The following TBCEL variants were observed in gnomAD, a reference collection of about 807,000 sequenced individuals.
The protein encoded by TBCEL is tubulin-specific chaperone cofactor E-like protein.
Under a neutral mutation model 44.2 loss-of-function variants are expected in TBCEL, and 15 were observed. That is an observed-to-expected ratio of 0.34 (90% CI 0.23 to 0.52). The LOEUF (loss-of-function observed/expected upper bound fraction) is 0.52, where lower values mean the gene tolerates loss of function less well. Among genes scored for constraint, TBCEL ranks in the 20% least tolerant of loss-of-function variants. The pLI, the probability that TBCEL is intolerant of heterozygous loss-of-function variation, is 0.95. For synonymous variants in TBCEL, 171 were observed against 185.4 expected (o/e 0.92, Z 0.63); for missense variants, 319 against 506.3 (o/e 0.63, Z 3.55).
intron 8 of TBCEL, among the ~76,000 whole-genome samples, chr11:121,082,157 C>T (rs1227424634): frequency 6.6e-6 from 1 of 152,200 alleles, no homozygotes; most frequent in Non-Finnish European, 1.5e-5. Flanking sequence ...TAAAGCAATG[C>T]CTACTTAGTA....
In TBCEL at chr11:121,065,121, C is replaced by T. The variant is rs12417741; in HGVS notation, c.956+5036C>T. 3.9e-5 allele frequency among the ~76,000 whole-genome samples: 6 copies of T among 152,118 alleles called. No individual in the cohort carries two copies. In the East Asian group the frequency reaches 7.7e-4, roughly 20 times the overall value. ...GATTATAGGTGTGAGCCATTGCACCCGGCCCATACTTATTTTCTGTACGTT... is the reference window on the plus strand; with the variant it reads ...GATTATAGGTGTGAGCCATTGCACCTGGCCCATACTTATTTTCTGTACGTT... On this transcript the variant is annotated intron_variant, in intron 8 of 8. Coordinates refer to ENST00000683345, the MANE Select transcript of TBCEL (RefSeq NM_001363644.2).
chr11:121,038,120 C>T (rs939199523), intron 2 of TBCEL, among the ~76,000 whole-genome samples: 18 of 151,918 alleles, frequency 1.2e-4, no homozygotes, highest in East Asian at 5.8e-4. Context: ...CCACCATACC[C>T]GGCTAATTTT....
intron 8 of TBCEL, among the ~76,000 whole-genome samples, chr11:121,073,039 T>C (rs976283763): frequency 3.9e-5 from 6 of 152,132 alleles, no homozygotes; most frequent in African/African-American, 1.4e-4. Context: ...ATTACAACAT[T>C]GGTAAATTAC....
At chr11:121,025,764 A>G (rs887063485) in intron 1 of TBCEL, among the ~76,000 whole-genome samples, 1 of 150,960 alleles carries the variant, frequency 6.6e-6, no homozygotes, top group African/African-American at 2.4e-5. Flanking sequence ...GGAGGAGGGC[A>G]GCTAGGTGCA....
At chr11:121,077,590 TC>T (rs1308359755) in intron 8 of TBCEL, among the ~76,000 whole-genome samples, 1 of 152,082 alleles carries the variant, frequency 6.6e-6, no homozygotes, top group Non-Finnish European at 1.5e-5. Flanking sequence ...TTATGAGTTT[TC>T]TCTGTTTTAT....
In TBCEL at chr11:121,088,778, A is replaced by C. The variant is rs1396387393; in HGVS notation, c.*1682A>C. 1.3e-5 allele frequency: 2 copies of C among 152,148 alleles called. No homozygotes were observed. Among genetic ancestry groups the C allele is most frequent in the Non-Finnish European group, 2.9e-5 (2 of 68,032 alleles). 9.4% of individuals were successfully genotyped at this position (152,148 alleles called of 1,614,324 possible). Reference sequence around the variant, plus strand: ...GATGTTTATTCTCTTAATGCACTTCAGGTTTGCTATCTGTAAAGCCTTTGA... The same window carrying C: ...GATGTTTATTCTCTTAATGCACTTCCGGTTTGCTATCTGTAAAGCCTTTGA... On this transcript the variant is annotated 3_prime_UTR_variant, in exon 9 of 9. Transcript: ENST00000683345.
At chr11:121,082,209 C>T (rs1946138456) in intron 8 of TBCEL, among the ~76,000 whole-genome samples, 1 of 152,230 alleles carries the variant, frequency 6.6e-6, no homozygotes, top group African/African-American at 2.4e-5. Flanking sequence ...CACAGTGTGA[C>T]TCAGCTGGGT....
At chr11:121,047,460 G>C in intron 3 of TBCEL, 68 bp from the exon 4 acceptor site, 3 of 1,573,948 alleles carry the variant, frequency 1.9e-6, no homozygotes, top group Non-Finnish European at 2.6e-6. Flanking sequence ...GACACTTCCT[G>C]GGGGCTGAAC....
intron 1 of TBCEL, among the ~76,000 whole-genome samples, chr11:121,034,637 A>G (rs1331012837): frequency 1.3e-5 from 2 of 152,230 alleles, no homozygotes; most frequent in Non-Finnish European, 2.9e-5. Context: ...TATATGCTAG[A>G]TACAAACAAG....
intron 2 of TBCEL, among the ~76,000 whole-genome samples, chr11:121,037,887 C>T (rs1270731977): frequency 1.3e-5 from 2 of 151,936 alleles, no homozygotes; most frequent in Middle Eastern, 3.2e-3. Flanking sequence ...AAAAGGGAAA[C>T]TACATGGTGG....
rs1293758803 is a variant in TBCEL, at chr11:121,087,920, A to G, written c.*824A>G. 2 of 152,236 alleles carry G rather than the reference A, an allele frequency of 1.3e-5. No homozygotes were observed. The highest frequency in any genetic ancestry group is 2.4e-5 in the African/African-American group (1 of 41,468). 9.4% of individuals were successfully genotyped at this position (152,236 alleles called of 1,614,324 possible). On this transcript the variant is annotated 3_prime_UTR_variant, in exon 9 of 9. Transcript: ENST00000683345. ...TTACTTTCATAACATGAAATATGTC[A>G]GATTCCAGAGTTCTTTTATTTTTGC... is the stretch of plus-strand genomic sequence containing the variant.
At chr11:121,079,190 G>A (rs181891291) in intron 8 of TBCEL, among the ~76,000 whole-genome samples, 2 of 152,136 alleles carry the variant, frequency 1.3e-5, no homozygotes, top group East Asian at 1.9e-4. Context: ...GCAGATATTT[G>A]GGGAAGACAA....
intron 2 of TBCEL, among the ~76,000 whole-genome samples, chr11:121,038,546 TAGA>T (rs771646389): frequency 5.3e-5 from 8 of 151,828 alleles, no homozygotes; most frequent in East Asian, 1.9e-4. Context: ...GAGATGAGGT[TAGA>T]AGAAGAGTTC....
intron 8 of TBCEL, among the ~76,000 whole-genome samples, chr11:121,080,733 AC>A (rs1283523077): frequency 6.6e-6 from 1 of 152,220 alleles, no homozygotes; most frequent in African/African-American, 2.4e-5. Context: ...CAAATAGTGT[AC>A]CACATCTTCC....
chr11:121,068,393 TTC>T (rs1945861474), intron 8 of TBCEL, among the ~76,000 whole-genome samples: 1 of 152,070 alleles, frequency 6.6e-6, no homozygotes, highest in Non-Finnish European at 1.5e-5. Context: ...TGTTTTTTTT[TTC>T]TTTCAGTTCT....
chr11:121,057,522 T>C (rs1431036416), intron 6 of TBCEL: 1 of 434,518 alleles, frequency 2.3e-6, no homozygotes, highest in African/African-American at 2.0e-5. Flanking sequence ...ATCTCTCCTG[T>C]CACCAAATTG....
intron 2 of TBCEL, 144 bp downstream of exon 2, chr11:121,036,756 C>T (rs1026268079): frequency 6.6e-6 from 1 of 152,116 alleles, no homozygotes; most frequent in Non-Finnish European, 1.5e-5. Context: ...GCATGAGAGT[C>T]AGTCATAGTT....
chr11:121,090,368 G>C lies in TBCEL; in HGVS notation c.*3272G>C, dbSNP rs1946273061. The C allele has an allele frequency of 6.6e-6, 1 of 152,070 alleles. No homozygotes were observed. The highest frequency in any genetic ancestry group is 2.4e-5 in the African/African-American group (1 of 41,412). 9.4% of individuals were successfully genotyped at this position (152,070 alleles called of 1,614,324 possible). ...TGTAGCTTGCTACATGAAAATGCTA[G>C]GCTCTAGGGCATGTAAAACATGAAT... On this transcript the variant is annotated 3_prime_UTR_variant, in exon 9 of 9. Coordinates refer to ENST00000683345, the MANE Select transcript of TBCEL (RefSeq NM_001363644.2).
At chr11:121,036,273 G>A (rs992374420) in intron 1 of TBCEL, 3 of 152,178 alleles carry the variant, frequency 2.0e-5, no homozygotes, top group African/African-American at 7.2e-5. Flanking sequence ...CAACTTGAAA[G>A]CCTTGGAATT....
Sources: gnomAD v4.1 joint callset for allele counts (sites outside exome capture counted in the v4.1 genomes callset) on GRCh38, gnomAD v4.1.1 for gene constraint, MANE v1.5 for transcripts, NCBI Gene and HGNC (gene_info 2026-07-23, HGNC 2026-07-21) for gene names.